ASIC2: variants seen among roughly 807,000 people sequenced by gnomAD.
ASIC2 encodes acid-sensing ion channel 2.
ASIC2 carries 25 observed loss-of-function variants against 57.3 expected under a neutral mutation model. That is an observed-to-expected ratio of 0.44 (90% confidence interval 0.32 to 0.61). ASIC2 has a LOEUF of 0.61. ASIC2 is among the 20% of genes least tolerant of loss of function. ASIC2 has a pLI of 0.06. For missense variants in ASIC2, 641 were observed against 738.1 expected, an observed-to-expected ratio of 0.87 and a Z score of 1.52; for synonymous variants, 319 against 307.5, an observed-to-expected ratio of 1.04 and a Z score of -0.39.
intron 1 of ASIC2, among the ~76,000 whole-genome samples, chr17:33,598,647 T>C (rs1905045443): frequency 6.6e-6 from 1 of 152,224 alleles, no homozygotes; most frequent in South Asian, 2.1e-4. Context: ...ATCTGGTTCC[T>C]CTTTTCCTTC....
chr17:33,991,850 C>T (rs1380487115), intron 1 of ASIC2, among the ~76,000 whole-genome samples: 1 of 152,174 alleles, frequency 6.6e-6, no homozygotes, highest in Non-Finnish European at 1.5e-5. Flanking sequence ...CAATTGTGGG[C>T]TTATTAGGAG....
At chr17:33,067,797 A>G (rs2092050150) in intron 3 of ASIC2, among the ~76,000 whole-genome samples, 1 of 152,216 alleles carries the variant, frequency 6.6e-6, no homozygotes, top group African/African-American at 2.4e-5. Context: ...ATGGCTAATG[A>G]GAGGATGGAG....
chr17:33,259,816 C>G (rs889471495), intron 1 of ASIC2, among the ~76,000 whole-genome samples: 1 of 152,180 alleles, frequency 6.6e-6, no homozygotes, highest in African/African-American at 2.4e-5. Flanking sequence ...TGTTGGCTCA[C>G]AGATGCTGGG....
At chr17:33,278,642 G>A (rs1904809528) in intron 1 of ASIC2, among the ~76,000 whole-genome samples, 1 of 152,154 alleles carries the variant, frequency 6.6e-6, no homozygotes, top group Admixed American at 6.5e-5. Flanking sequence ...TCTGTGAGGG[G>A]AGGGTCAGCT....
At chr17:33,754,993 T>C (rs541343714) in intron 1 of ASIC2, among the ~76,000 whole-genome samples, 50 of 140,066 alleles carry the variant, frequency 3.6e-4, no homozygotes, top group African/African-American at 1.2e-3. Context: ...CAGTTCCCTA[T>C]AGACAGTGAG....
chr17:33,210,005 C>T (rs1316944), intron 1 of ASIC2, among the ~76,000 whole-genome samples: 59,180 of 151,982 alleles, frequency 0.39, 12,667 homozygotes, highest in East Asian at 0.59. Context: ...ACTTTAACCC[C>T]GAAGTGGAAG....
intron 1 of ASIC2, among the ~76,000 whole-genome samples, chr17:33,372,619 T>C (rs1909116486): frequency 6.6e-6 from 1 of 152,128 alleles, no homozygotes; most frequent in Non-Finnish European, 1.5e-5. Flanking sequence ...CTGGGCTCTG[T>C]AATGTTACTC....
intron 1 of ASIC2, among the ~76,000 whole-genome samples, chr17:33,791,097 G>A (rs547745067): frequency 3.9e-4 from 59 of 152,250 alleles, no homozygotes; most frequent in African/African-American, 1.3e-3. Flanking sequence ...CTACGTGAGG[G>A]AAACACAAGC....
At chr17:33,336,511 T>G (rs1195291172) in intron 1 of ASIC2, among the ~76,000 whole-genome samples, 1 of 152,176 alleles carries the variant, frequency 6.6e-6, no homozygotes, top group Non-Finnish European at 1.5e-5. Context: ...GGAAGGAAAC[T>G]GAAATACATG....
chr17:33,779,967 C>T lies in ASIC2; in HGVS notation c.555+376011G>A, dbSNP rs1009090195. Among the ~76,000 whole-genome samples, 14 of 85,186 alleles carry T rather than the reference C, an allele frequency of 1.6e-4. No homozygotes were observed. The East Asian group carries it at 2.4e-3, about 15-fold the overall frequency. 55.9% of individuals were successfully genotyped at this position (85,186 alleles called of 152,430 possible). A position where few individuals can be genotyped will look rare whatever the true frequency, so the allele number is the denominator to read the frequency against. ...TAGACCCAGGTCTGGCTACAGAAGC[C>T]TTTTTTTTTTTTTTTTTTTTTGAGA... is the stretch of plus-strand genomic sequence containing the variant. On this transcript the variant is annotated intron_variant, in intron 1 of 9. Coordinates refer to the ASIC2 transcript ENST00000359872.
chr17:33,547,259 G>T (rs1175273810), intron 1 of ASIC2, among the ~76,000 whole-genome samples: 1 of 147,956 alleles, frequency 6.8e-6, no homozygotes, highest in African/African-American at 2.7e-5. Flanking sequence ...GGCAGCAGAG[G>T]GGGTGGGTCG....
At chr17:33,264,080 C>T (rs551726087) in intron 1 of ASIC2, among the ~76,000 whole-genome samples, 255 of 152,356 alleles carry the variant, frequency 1.7e-3, no homozygotes, top group Non-Finnish European at 3.1e-3. Context: ...CACCTCACAA[C>T]GTTATCGTGA....
chr17:34,119,220 CAT>C (rs1220209409), intron 1 of ASIC2, among the ~76,000 whole-genome samples: 3 of 152,142 alleles, frequency 2.0e-5, no homozygotes, highest in Admixed American at 6.5e-5. Context: ...TTTGGAGTCA[CAT>C]GACATCGATT....
chr17:33,185,193 T>C (rs571664784), intron 1 of ASIC2, among the ~76,000 whole-genome samples: 3 of 152,344 alleles, frequency 2.0e-5, no homozygotes, highest in African/African-American at 7.2e-5. Flanking sequence ...AAAATATCCC[T>C]TTCTTAGAGC....
chr17:33,907,687 G>A (rs946282894), intron 1 of ASIC2, among the ~76,000 whole-genome samples: 1 of 152,110 alleles, frequency 6.6e-6, no homozygotes, highest in Non-Finnish European at 1.5e-5. Flanking sequence ...TGAAGGCAAC[G>A]TGGAGATCTG....
At chr17:33,647,356 G>T (rs559404130) in intron 1 of ASIC2, among the ~76,000 whole-genome samples, 4 of 152,116 alleles carry the variant, frequency 2.6e-5, no homozygotes, top group African/African-American at 7.2e-5. Flanking sequence ...GGTCCTTGGG[G>T]CCTCTTTCAT....
At chr17:33,882,745 C>T (rs1914734934) in intron 1 of ASIC2, among the ~76,000 whole-genome samples, 1 of 152,152 alleles carries the variant, frequency 6.6e-6, no homozygotes, top group African/African-American at 2.4e-5. Flanking sequence ...TTGACCCAGC[C>T]ATCCCGTTAC....
chr17:33,681,538 C>T (rs1255825252), intron 1 of ASIC2, among the ~76,000 whole-genome samples: 1 of 152,218 alleles, frequency 6.6e-6, no homozygotes, highest in Non-Finnish European at 1.5e-5. Flanking sequence ...CAGGGCCCTT[C>T]CTGGAGCATT....
rs1351800332 is a variant in ASIC2, at chr17:33,278,341, G to A, written c.708+13067C>T. ...AATCCTTAATCACCTGGGGGTGTCT[G>A]TTAAAAATAGACTGACGTAAAATCA... On this transcript the variant is annotated intron_variant, in intron 1 of 9. Transcript: ENST00000225823. Among the ~76,000 whole-genome samples, 5 of 151,962 alleles carry A rather than the reference G, an allele frequency of 3.3e-5. No individual in the cohort carries two copies. In the East Asian group the frequency reaches 9.7e-4, roughly 29 times the overall value.
Sources: gnomAD v4.1 joint callset for allele counts (sites outside exome capture counted in the v4.1 genomes callset) on GRCh38, gnomAD v4.1.1 for gene constraint, MANE v1.5 for transcripts, NCBI Gene and HGNC (gene_info 2026-07-23, HGNC 2026-07-21) for gene names.